The following FSIP1 variants were observed in gnomAD, a reference collection of about 807,000 sequenced individuals.
FSIP1 encodes fibrous sheath interacting protein 1.
FSIP1 carries 65 observed loss-of-function variants against 60.9 expected under a neutral mutation model. The observed-to-expected ratio is 1.07, with a 90% CI of 0.87 to 1.31. FSIP1 has a LOEUF of 1.31. Among genes scored for constraint, FSIP1 ranks in the 40% most tolerant of loss-of-function variants. The pLI is 0.00. For synonymous variants in FSIP1, 209 were observed against 221.2 expected (o/e 0.94, Z 0.49); for missense variants, 675 against 665.5 (o/e 1.01, Z -0.16).
At chr15:39,655,398 ATT>A (rs977733424) in intron 10 of FSIP1, among the ~76,000 whole-genome samples, 4 of 152,174 alleles carry the variant, frequency 2.6e-5, no homozygotes, top group Admixed American at 2.0e-4. Flanking sequence ...ATCCTAGAAT[ATT>A]TTTCAGAAAA....
chr15:39,662,688 T>C (rs1893346061), intron 10 of FSIP1, among the ~76,000 whole-genome samples: 1 of 146,974 alleles, frequency 6.8e-6, no homozygotes, highest in South Asian at 2.2e-4. Context: ...AACACTAGAC[T>C]GTAAGGTTAA....
chr15:39,659,190 G>A (rs1462848304), intron 10 of FSIP1, among the ~76,000 whole-genome samples: 3 of 152,030 alleles, frequency 2.0e-5, no homozygotes, highest in Non-Finnish European at 4.4e-5. Context: ...TTCTTTTGAG[G>A]GTAAAAAAAG....
chr15:39,701,536 T>G (rs1332701448), intron 10 of FSIP1, among the ~76,000 whole-genome samples: 2 of 152,108 alleles, frequency 1.3e-5, no homozygotes, highest in Non-Finnish European at 2.9e-5. Flanking sequence ...TATAGAGTGA[T>G]GAAGGGAAAA....
In FSIP1 at chr15:39,625,475, C is replaced by G. The variant is rs534340139; in HGVS notation, c.1189-7230G>C. ...CAGACTGTGCTTTCTAACAGGGTGACTTTGCTTTCTAACAGGGTGACTGGT... is the reference window on the plus strand; with the variant it reads ...CAGACTGTGCTTTCTAACAGGGTGAGTTTGCTTTCTAACAGGGTGACTGGT... On this transcript the variant is annotated intron_variant, in intron 10 of 11. Coordinates refer to ENST00000350221, the MANE Select transcript of FSIP1 (RefSeq NM_152597.5). Among the ~76,000 whole-genome samples the G allele has an allele frequency of 3.9e-5, 6 of 152,270 alleles. No homozygotes were observed. The East Asian group carries it at 1.2e-3, about 29-fold the overall frequency.
At chr15:39,742,166 T>A (rs1382332525) in intron 5 of FSIP1, among the ~76,000 whole-genome samples, 1 of 152,204 alleles carries the variant, frequency 6.6e-6, no homozygotes, top group Non-Finnish European at 1.5e-5. Flanking sequence ...AAAGGATGTG[T>A]AAGAGTGTGC....
intron 10 of FSIP1, among the ~76,000 whole-genome samples, chr15:39,692,973 C>T (rs758796467): frequency 2.6e-5 from 4 of 152,178 alleles, no homozygotes; most frequent in Non-Finnish European, 5.9e-5. Flanking sequence ...GCATGCCCTC[C>T]GCTCACTTCC....
chr15:39,700,520 C>T (rs552800967), intron 10 of FSIP1, among the ~76,000 whole-genome samples: 1 of 152,322 alleles, frequency 6.6e-6, no homozygotes, highest in Non-Finnish European at 1.5e-5. Flanking sequence ...AATTGTGCAA[C>T]ATCATTGACC....
chr15:39,776,752 A>G (rs1898077759), intron 1 of FSIP1, among the ~76,000 whole-genome samples: 1 of 152,148 alleles, frequency 6.6e-6, no homozygotes, highest in South Asian at 2.1e-4. Context: ...CCAGGATGTT[A>G]GATACTGAAT....
intron 10 of FSIP1, among the ~76,000 whole-genome samples, chr15:39,675,294 T>G (rs1365080927): frequency 6.6e-6 from 1 of 152,236 alleles, no homozygotes; most frequent in African/African-American, 2.4e-5. Context: ...AGATACTCTA[T>G]ATCTGTATAT....
In FSIP1 at chr15:39,739,743, T is replaced by C. The variant is rs143016905; in HGVS notation, c.702A>G (p.Gly234=). 4.7e-4 allele frequency: 754 copies of C among 1,595,114 alleles called. No individual in the cohort carries two copies. Among genetic ancestry groups the C allele is most frequent in the Non-Finnish European group, 5.9e-4 (689 of 1,174,296 alleles). Residue 234 remains glycine (G), a synonymous_variant, in exon 7 of 12, where the codon GGA becomes GGG. Transcript: ENST00000350221. ...TTTCTGTATTCGAGAAAGGTTTCTT[T>C]CCTGATTTGATCAATGACTCATTTC... The part of the protein sequence containing the change: ...VERNESLIKS[G]KKPFSNTEKI...
intron 9 of FSIP1, among the ~76,000 whole-genome samples, chr15:39,723,251 C>CA (rs2140582089): frequency 6.6e-6 from 1 of 152,228 alleles, no homozygotes; most frequent in East Asian, 1.9e-4. Context: ...TTTTTTGAAA[C>CA]AGAGTCCCGC....
chr15:39,648,024 G>A (rs1004122781), intron 10 of FSIP1, among the ~76,000 whole-genome samples: 2 of 151,820 alleles, frequency 1.3e-5, no homozygotes, highest in South Asian at 2.1e-4. Flanking sequence ...GTGGTGGGGT[G>A]GGGGGAGCGG....
Position 39,618,185 on chromosome 15 carries a change from G to T in FSIP1, c.1249C>A (p.Leu417Ile). The part of the protein sequence containing the change: ...QLKCLLDECI[L>I]KQKSIIKLSS... ...AGTTTAATGATGGATTTTTGTTTAA[G>T]TATGCATTCATCCAGAAGACACTTT... The change falls in exon 11 of 12, where the codon CTT becomes ATT. Residue 417 changes from leucine (L) to isoleucine (I), a missense_variant. Physicochemically the swap from Leu to Ile is conservative, Grantham distance 5. Coordinates refer to ENST00000350221, the MANE Select transcript of FSIP1 (RefSeq NM_152597.5). 6.2e-7 allele frequency: 1 copy of T among 1,613,684 alleles called. No homozygotes were observed. The highest frequency in any genetic ancestry group is 8.5e-7 in the Non-Finnish European group (1 of 1,179,692).
chr15:39,640,422 T>C (rs1256805355), intron 10 of FSIP1, among the ~76,000 whole-genome samples: 2 of 152,200 alleles, frequency 1.3e-5, no homozygotes, highest in East Asian at 3.9e-4. Flanking sequence ...GGCTGCATTA[T>C]GTTTGGGACC....
intron 1 of FSIP1, among the ~76,000 whole-genome samples, chr15:39,780,746 G>A (rs988524414): frequency 2.0e-5 from 3 of 152,052 alleles, no homozygotes; most frequent in Admixed American, 6.5e-5. Context: ...TCTTTTTGTC[G>A]TTGTTATTGT....
chr15:39,674,847 C>T (rs1566880075), intron 10 of FSIP1, among the ~76,000 whole-genome samples: 1 of 152,064 alleles, frequency 6.6e-6, no homozygotes, highest in Non-Finnish European at 1.5e-5. Context: ...AAATTTGACT[C>T]TTTTAAAAAC....
chr15:39,640,675 G>A (rs1446993945), intron 10 of FSIP1, among the ~76,000 whole-genome samples: 6 of 148,184 alleles, frequency 4.0e-5, no homozygotes, highest in Non-Finnish European at 8.9e-5. Flanking sequence ...CAGAATCACA[G>A]CAGATTCACA....
Position 39,713,528 on chromosome 15 carries a change from T to C in FSIP1, c.1104A>G (p.Ile368Met), listed in dbSNP as rs1895611313. ...RNMEVTPGEK[I>M]LRNTKEQRDL... ...CGCGTTGCTCTTTGGTGTTCCTAAG[T>C]ATCTTTTCTCCTGGAGTTACTTCCA... is the stretch of plus-strand genomic sequence containing the variant. Residue 368 changes from isoleucine (I) to methionine (M), a missense_variant, in exon 10 of 12, where the codon ATA (isoleucine) becomes ATG (methionine). Physicochemically the swap from Ile to Met is conservative, Grantham distance 10. Coordinates refer to ENST00000350221, the MANE Select transcript of FSIP1 (RefSeq NM_152597.5). 4 of 1,610,128 alleles carry C rather than the reference T, an allele frequency of 2.5e-6. No individual in the cohort carries two copies. Among genetic ancestry groups the C allele is most frequent in the Middle Eastern group, 1.7e-4 (1 of 6,044 alleles).
chr15:39,719,193 T>C (rs1278932011), intron 9 of FSIP1, among the ~76,000 whole-genome samples: 1 of 150,726 alleles, frequency 6.6e-6, no homozygotes, highest in Admixed American at 6.6e-5. Context: ...CCAGGAAAGA[T>C]TCTTTTTTCA....
Sources: allele counts gnomAD v4.1 joint callset (sites outside exome capture counted in the v4.1 genomes callset), GRCh38; gene constraint gnomAD v4.1.1; transcripts MANE v1.5; gene names NCBI Gene and HGNC (gene_info 2026-07-23, HGNC 2026-07-21).